Variants in SUPT3H observed in about 807,000 individuals in gnomAD.
The protein encoded by SUPT3H is SPT3 homolog, SAGA and STAGA complex component.
SUPT3H carries 44 observed loss-of-function variants against 44.3 expected under a neutral mutation model. The ratio of observed to expected loss-of-function variants is 0.99; its 90% CI spans 0.78 to 1.28. The LOEUF (loss-of-function observed/expected upper bound fraction) is 1.28, where lower values mean the gene tolerates loss of function less well. Ranked by LOEUF, SUPT3H falls within the 50% of genes most tolerant of loss-of-function variation. The probability of loss-of-function intolerance (pLI) is 0.00; values close to 1 mark genes in which losing one functional copy is unlikely to be tolerated. For synonymous variants in SUPT3H, 124 were observed against 125.6 expected (o/e 0.99, Z 0.09); for missense variants, 380 against 387.1 (o/e 0.98, Z 0.15).
chr6:45,352,245 G>C (rs1271091597), intron 2 of SUPT3H, among the ~76,000 whole-genome samples: 1 of 152,092 alleles, frequency 6.6e-6, no homozygotes, highest in African/African-American at 2.4e-5. Context: ...GACAATTTCA[G>C]CCTTAGAAAA....
chr6:45,109,069 G>A lies in SUPT3H; in HGVS notation c.102-3063C>T, dbSNP rs988187017. Among the ~76,000 whole-genome samples the A allele has an allele frequency of 2.6e-5, 4 of 152,144 alleles. No homozygotes were observed. In the South Asian group the frequency reaches 8.3e-4, roughly 32 times the overall value. ...TAAATTGGTTCTAAACATTATATGAGATGGTAAAGAGACAGGAATAGTCAA... is the reference window on the plus strand; with the variant it reads ...TAAATTGGTTCTAAACATTATATGAAATGGTAAAGAGACAGGAATAGTCAA... On this transcript the variant is annotated intron_variant, in intron 2 of 10. Transcript: ENST00000371459.
chr6:45,164,744 T>G (rs1179322815), intron 2 of SUPT3H, among the ~76,000 whole-genome samples: 1 of 152,166 alleles, frequency 6.6e-6, no homozygotes, highest in Non-Finnish European at 1.5e-5. Context: ...TTTGTGAACT[T>G]ATATTTTGTC....
At position 45,193,498 on chromosome 6, in the gene SUPT3H, C is replaced by T. The variant is rs1815484445; in HGVS notation, c.102-87492G>A. Reference sequence around the variant, plus strand: ...TCACTTTTAAATCTCCAGGGCCAAGCAGAGTCAGTGTTCAATAAATACTCC... The same window carrying T: ...TCACTTTTAAATCTCCAGGGCCAAGTAGAGTCAGTGTTCAATAAATACTCC... On this transcript the variant is annotated intron_variant, in intron 2 of 10. Transcript: ENST00000371459. 2.0e-5 allele frequency among the ~76,000 whole-genome samples: 3 copies of T among 152,162 alleles called. No individual in the cohort carries two copies. The South Asian group carries it at 6.2e-4, about 32-fold the overall frequency.
At chr6:45,247,363 C>T (rs1369516972) in intron 2 of SUPT3H, among the ~76,000 whole-genome samples, 4 of 152,142 alleles carry the variant, frequency 2.6e-5, no homozygotes, top group Admixed American at 2.6e-4. Flanking sequence ...GTTATTTTGC[C>T]TGTTTTGGGC....
At chr6:44,840,901 A>G (rs1311960759) in intron 10 of SUPT3H, among the ~76,000 whole-genome samples, 1 of 152,218 alleles carries the variant, frequency 6.6e-6, no homozygotes, top group Non-Finnish European at 1.5e-5. Flanking sequence ...TTAAAGAGTC[A>G]AACTTCCAAT....
At chr6:45,082,883 C>A (rs1795994009) in intron 3 of SUPT3H, among the ~76,000 whole-genome samples, 1 of 151,982 alleles carries the variant, frequency 6.6e-6, no homozygotes, top group Non-Finnish European at 1.5e-5. Context: ...CCCTAAAGAC[C>A]TGACCAGAAG....
chr6:45,323,370 G>A (rs900038172), intron 2 of SUPT3H, among the ~76,000 whole-genome samples: 31 of 151,914 alleles, frequency 2.0e-4, no homozygotes, highest in African/African-American at 4.1e-4. Flanking sequence ...ATTAAAACCC[G>A]ATTTTTTTAG....
rs572976125 is a variant in SUPT3H, at chr6:45,177,005, A to G, written c.102-70999T>C. Among the ~76,000 whole-genome samples the G allele has an allele frequency of 1.6e-3, 251 of 152,358 alleles. 3 individuals carry two copies. The highest frequency in any genetic ancestry group is 5.9e-3 in the African/African-American group (245 of 41,592). On this transcript the variant is annotated intron_variant, in intron 2 of 10. Transcript: ENST00000371459. The stretch of plus-strand genomic sequence containing the variant: ...AGAAAAACTGGAAACTCTAAAAAAC[A>G]GAGTGCCTCTCCTCCTCCAAAGGAA...
intron 10 of SUPT3H, among the ~76,000 whole-genome samples, chr6:44,922,532 G>A (rs571821126): frequency 8.9e-4 from 136 of 152,024 alleles, no homozygotes; most frequent in Non-Finnish European, 1.7e-3. Context: ...TATTTGGAGG[G>A]GATTTTTTTG....
chr6:44,993,695 G>A (rs1169757884), intron 6 of SUPT3H, among the ~76,000 whole-genome samples: 2 of 151,992 alleles, frequency 1.3e-5, no homozygotes, highest in African/African-American at 2.4e-5. Context: ...CATTAATCCT[G>A]CACTGTGCAG....
At chr6:45,031,363 G>A (rs1268686273) in intron 3 of SUPT3H, among the ~76,000 whole-genome samples, 1 of 152,042 alleles carries the variant, frequency 6.6e-6, no homozygotes, top group Non-Finnish European at 1.5e-5. Flanking sequence ...ATATTTGTGT[G>A]TGCATACATA....
At chr6:45,215,393 T>A (rs1208589322) in intron 2 of SUPT3H, among the ~76,000 whole-genome samples, 1 of 152,008 alleles carries the variant, frequency 6.6e-6, no homozygotes, top group African/African-American at 2.4e-5. Context: ...AAAATAATGA[T>A]CCTTACAAAA....
intron 3 of SUPT3H, among the ~76,000 whole-genome samples, chr6:45,062,447 G>C (rs1240981183): frequency 6.6e-6 from 1 of 151,454 alleles, no homozygotes; most frequent in Non-Finnish European, 1.5e-5. Flanking sequence ...GTACACTGTA[G>C]GGGTGAGGAG....
At chr6:45,052,710 A>G (rs1411572023) in intron 3 of SUPT3H, among the ~76,000 whole-genome samples, 6 of 152,158 alleles carry the variant, frequency 3.9e-5, no homozygotes, top group Non-Finnish European at 7.4e-5. Flanking sequence ...AAATCCATAG[A>G]CTACACCTTA....
At chr6:45,286,646 ACT>A (rs1779331562) in intron 2 of SUPT3H, among the ~76,000 whole-genome samples, 1 of 152,176 alleles carries the variant, frequency 6.6e-6, no homozygotes, top group African/African-American at 2.4e-5. Context: ...TGTTGGTGGG[ACT>A]GTAAACTAGT....
At chr6:44,931,731 A>C (rs1410859108) in intron 10 of SUPT3H, among the ~76,000 whole-genome samples, 4 of 152,140 alleles carry the variant, frequency 2.6e-5, no homozygotes, top group African/African-American at 9.6e-5. Context: ...AACAACTAAA[A>C]AAAATAAAGG....
At chr6:45,128,533 A>AATATATATATATATATATATATAT (rs1554257895) in intron 2 of SUPT3H, among the ~76,000 whole-genome samples, 1 of 52,258 alleles carries the variant, frequency 1.9e-5, no homozygotes, top group Non-Finnish European at 3.4e-5. Context: ...AAAAAAAAAA[A>AATATATATATATATATATATATAT]ATATATATAT....
chr6:45,171,340 A>C (rs1810737940), intron 2 of SUPT3H, among the ~76,000 whole-genome samples: 1 of 152,194 alleles, frequency 6.6e-6, no homozygotes, highest in African/African-American at 2.4e-5. Flanking sequence ...ATTGTGCATA[A>C]ATTTGTACAT....
chr6:44,901,353 G>A (rs538065465), intron 10 of SUPT3H, among the ~76,000 whole-genome samples: 65 of 152,272 alleles, frequency 4.3e-4, no homozygotes, highest in African/African-American at 1.5e-3. Context: ...TGAAAACCAA[G>A]GCACAAGAAC....
Sources: allele counts gnomAD v4.1 joint callset (sites outside exome capture counted in the v4.1 genomes callset), GRCh38; gene constraint gnomAD v4.1.1; transcripts MANE v1.5; gene names NCBI Gene and HGNC (gene_info 2026-07-23, HGNC 2026-07-21).